The following CERS6 variants were observed in gnomAD, a reference collection of about 807,000 sequenced individuals.
CERS6 encodes ceramide synthase 6, also known as LAG1 homolog, ceramide synthase 6.
Under a neutral mutation model 56.8 loss-of-function variants are expected in CERS6, and 26 were observed. That is an observed-to-expected ratio of 0.46 (90% CI 0.34 to 0.63). The LOEUF is 0.63. Among genes scored for constraint, CERS6 ranks in the 30% least tolerant of loss-of-function variants. The probability of loss-of-function intolerance (pLI) is 0.01; values close to 1 mark genes in which losing one functional copy is unlikely to be tolerated. For missense variants in CERS6, 415 were observed against 467.5 expected (o/e 0.89, Z 1.04); for synonymous variants, 164 against 173.3 (o/e 0.95, Z 0.42).
At chr2:168,739,115 C>T (rs1332218915) in intron 8 of CERS6, among the ~76,000 whole-genome samples, 6 of 123,680 alleles carry the variant, frequency 4.9e-5, no homozygotes, top group South Asian at 2.6e-4. Flanking sequence ...CACCATGTTT[C>T]CCAGGCTGGT....
At chr2:168,737,544 T>G (rs1683754934) in intron 8 of CERS6, among the ~76,000 whole-genome samples, 1 of 152,230 alleles carries the variant, frequency 6.6e-6, no homozygotes, top group Non-Finnish European at 1.5e-5. Flanking sequence ...TGATACACAT[T>G]TGAAATCCTG....
At chr2:168,610,130 A>C (rs540322673) in intron 3 of CERS6, among the ~76,000 whole-genome samples, 1 of 151,310 alleles carries the variant, frequency 6.6e-6, no homozygotes, top group Admixed American at 6.6e-5. Context: ...GGCGCCCACC[A>C]CCACGCCTGG....
chr2:168,467,674 A>C (rs1574001915), intron 1 of CERS6, among the ~76,000 whole-genome samples: 1 of 152,220 alleles, frequency 6.6e-6, no homozygotes, highest in South Asian at 2.1e-4. Flanking sequence ...CCTCTCTTGT[A>C]AAATGGAGAA....
chr2:168,560,178 C>T (rs1025114840), intron 2 of CERS6, among the ~76,000 whole-genome samples: 1 of 152,102 alleles, frequency 6.6e-6, no homozygotes, highest in African/African-American at 2.4e-5. Context: ...GGAAATTCCC[C>T]TTTTTAAAAC....
At chr2:168,525,463 A>T (rs148438236) in intron 1 of CERS6, among the ~76,000 whole-genome samples, 1 of 152,348 alleles carries the variant, frequency 6.6e-6, no homozygotes, top group Non-Finnish European at 1.5e-5. Context: ...GTTGGCCTAG[A>T]ATTGGGCCTG....
Position 168,765,575 on chromosome 2 carries a change from C to G in CERS6, c.846-17C>G, listed in dbSNP as rs1684707872. 7 of 1,609,718 alleles carry G rather than the reference C, an allele frequency of 4.3e-6. No individual in the cohort carries two copies. Among genetic ancestry groups the G allele is most frequent in the Non-Finnish European group, 5.9e-6 (7 of 1,178,238 alleles). On this transcript the variant is annotated splice_polypyrimidine_tract_variant and intron_variant, in intron 8 of 9. Transcript: ENST00000305747. The stretch of plus-strand genomic sequence containing the variant: ...GGAAAATGCCACATTCACTAATCAC[C>G]TCCTTCTTTTCCTTAGGGTGTTAAA...
At chr2:168,666,193 G>A (rs1685756639) in intron 4 of CERS6, among the ~76,000 whole-genome samples, 2 of 152,168 alleles carry the variant, frequency 1.3e-5, no homozygotes, top group South Asian at 2.1e-4. Context: ...TTTACATTAA[G>A]GTTCACTCTT....
rs376856146 is a variant in CERS6, at chr2:168,749,697, C to T, written c.846-15895C>T. ...GAGACGGGGTCTTGCTGTGATACCT[C>T]GACTTAGGAGAGTTGGCTTTCTGGA... On this transcript the variant is annotated intron_variant, in intron 8 of 9. Transcript: ENST00000305747. 2.7e-4 allele frequency among the ~76,000 whole-genome samples: 5 copies of T among 18,812 alleles called. No homozygotes were observed. The East Asian group carries it at 3.0e-3, about 11-fold the overall frequency. 12.3% of individuals were successfully genotyped at this position (18,812 alleles called of 152,430 possible).
chr2:168,481,461 A>C (rs974553074), intron 1 of CERS6, among the ~76,000 whole-genome samples: 1 of 152,132 alleles, frequency 6.6e-6, no homozygotes, highest in Non-Finnish European at 1.5e-5. Context: ...CTGACTTTGC[A>C]ACTGAGCAAC....
intron 4 of CERS6, chr2:168,644,108 G>A (rs2105308876): frequency 1.0e-6 from 1 of 985,146 alleles, no homozygotes; most frequent in East Asian, 1.1e-4. Flanking sequence ...AGGCTAATAG[G>A]AGATATGACT....
rs1045630386 is a variant in CERS6, at chr2:168,771,968, T to C, written c.*2306T>C. 1.3e-5 allele frequency: 2 copies of C among 152,224 alleles called. No homozygotes were observed. The highest frequency in any genetic ancestry group is 2.9e-5 in the Non-Finnish European group (2 of 68,046). The allele number at this position is 152,224 out of a possible 1,614,324, so 9.4% of individuals were successfully genotyped here. On this transcript the variant is annotated 3_prime_UTR_variant, in exon 10 of 10. Coordinates refer to ENST00000305747, the MANE Select transcript of CERS6 (RefSeq NM_203463.3). ...CAGTCGTCTATGTTATCCAGAGATTTTTATTTCATTTTACATTTTAGGGCA... is the reference window on the plus strand; with the variant it reads ...CAGTCGTCTATGTTATCCAGAGATTCTTATTTCATTTTACATTTTAGGGCA...
At chr2:168,624,729 A>G (rs943526532) in intron 3 of CERS6, among the ~76,000 whole-genome samples, 2 of 152,218 alleles carry the variant, frequency 1.3e-5, no homozygotes, top group Non-Finnish European at 2.9e-5. Context: ...TGTGTCACAT[A>G]TAATACGGAA....
intron 3 of CERS6, among the ~76,000 whole-genome samples, chr2:168,565,421 C>T (rs1045706465): frequency 2.0e-5 from 3 of 152,170 alleles, no homozygotes; most frequent in African/African-American, 7.2e-5. Context: ...AGAAGAAAGA[C>T]AGTTGCTGTT....
chr2:168,543,790 G>A (rs1190482271), intron 1 of CERS6, among the ~76,000 whole-genome samples: 1 of 152,200 alleles, frequency 6.6e-6, no homozygotes, highest in Admixed American at 6.5e-5. Flanking sequence ...AGCATACCTA[G>A]TGAGGGGTTG....
chr2:168,765,809 G>A, intron 9 of CERS6, 61 bp downstream of exon 9: 1 of 1,449,876 alleles, frequency 6.9e-7, no homozygotes. Flanking sequence ...TAATTTCTCT[G>A]GATCAACTAT....
chr2:168,671,214 C>G (rs1298552888), intron 4 of CERS6, among the ~76,000 whole-genome samples: 4 of 152,030 alleles, frequency 2.6e-5, no homozygotes, highest in African/African-American at 4.8e-5. Flanking sequence ...ATCCACCTGC[C>G]TCGGCCTCCC....
chr2:168,699,290 T>C (rs1686745656), intron 6 of CERS6, among the ~76,000 whole-genome samples: 1 of 152,146 alleles, frequency 6.6e-6, no homozygotes, highest in South Asian at 2.1e-4. Context: ...TTCCTTATGA[T>C]GGGATAGGGA....
intron 8 of CERS6, among the ~76,000 whole-genome samples, chr2:168,731,709 G>A (rs1223336879): frequency 6.6e-6 from 1 of 152,116 alleles, no homozygotes; most frequent in Non-Finnish European, 1.5e-5. Context: ...TTCTGCATGA[G>A]GGACCTGGTG....
At chr2:168,633,709 C>G (rs1684800583) in intron 4 of CERS6, among the ~76,000 whole-genome samples, 1 of 152,012 alleles carries the variant, frequency 6.6e-6, no homozygotes, top group African/African-American at 2.4e-5. Context: ...TTTGCCCAAT[C>G]TAAACTGAGA....
Sources: gnomAD v4.1 joint callset for allele counts (sites outside exome capture counted in the v4.1 genomes callset) on GRCh38, gnomAD v4.1.1 for gene constraint, MANE v1.5 for transcripts, NCBI Gene and HGNC (gene_info 2026-07-23, HGNC 2026-07-21) for gene names.